Variants in USP12 observed in about 807,000 individuals in gnomAD.
The protein encoded by USP12 is ubiquitin carboxyl-terminal hydrolase 12.
A neutral mutation model predicts 45.5 loss-of-function variants in USP12; 19 were observed. That is an observed-to-expected ratio of 0.42 (90% CI 0.29 to 0.61). The LOEUF is 0.61. USP12 is among the 20% of genes least tolerant of loss of function. The pLI is 0.22. For missense variants in USP12, 242 were observed against 447.7 expected, an observed-to-expected ratio of 0.54 and a Z score of 4.15; for synonymous variants, 149 against 148.8, an observed-to-expected ratio of 1.00 and a Z score of -0.01.
At chr13:27,160,430 G>GAA (rs140967288) in intron 1 of USP12, among the ~76,000 whole-genome samples, 3 of 123,484 alleles carry the variant, frequency 2.4e-5, no homozygotes, top group African/African-American at 9.0e-5. Flanking sequence ...TCCTCAAATT[G>GAA]AAAAAAAAAA....
intron 3 of USP12, among the ~76,000 whole-genome samples, chr13:27,104,020 T>G (rs1020717235): frequency 2.0e-5 from 3 of 152,180 alleles, no homozygotes; most frequent in Non-Finnish European, 4.4e-5. Context: ...ATGCTCTGTA[T>G]GAGCTGCATA....
chr13:27,163,781 A>AAAG (rs1156499867), intron 1 of USP12, among the ~76,000 whole-genome samples: 11 of 135,182 alleles, frequency 8.1e-5, no homozygotes, highest in Non-Finnish European at 1.7e-4. Context: ...AAAAAAAAAA[A>AAAG]AAAAGAAAAA....
At chr13:27,089,734 T>C (rs754916023) in intron 6 of USP12, 149 bp downstream of exon 6, 11 of 683,604 alleles carry the variant, frequency 1.6e-5, no homozygotes, top group Non-Finnish European at 2.5e-5. Flanking sequence ...ATCATTTACC[T>C]AGTAATACTT....
intron 1 of USP12, among the ~76,000 whole-genome samples, chr13:27,155,878 T>C (rs933432514): frequency 1.3e-5 from 2 of 152,228 alleles, no homozygotes; most frequent in African/African-American, 4.8e-5. Flanking sequence ...AATACAACTA[T>C]GAAAATATTC....
chr13:27,081,463 T>G (rs79951482), intron 6 of USP12, among the ~76,000 whole-genome samples: 1,533 of 152,318 alleles, frequency 0.01, 31 homozygotes, highest in African/African-American at 0.035. Context: ...CTTGTTCTCT[T>G]GCTGTTTCCA....
At chr13:27,137,827 A>G (rs142120111) in intron 1 of USP12, among the ~76,000 whole-genome samples, 1 of 152,358 alleles carries the variant, frequency 6.6e-6, no homozygotes, top group East Asian at 1.9e-4. Flanking sequence ...CCATACTGCT[A>G]GCAGACTTGC....
chr13:27,130,224 C>G (rs562506178), intron 1 of USP12, among the ~76,000 whole-genome samples: 9 of 152,290 alleles, frequency 5.9e-5, no homozygotes, highest in African/African-American at 2.2e-4. Flanking sequence ...CCTGGGGAAA[C>G]AGCACAGATT....
intron 1 of USP12, among the ~76,000 whole-genome samples, chr13:27,169,409 T>C (rs969558419): frequency 1.3e-5 from 2 of 152,102 alleles, no homozygotes; most frequent in Non-Finnish European, 2.9e-5. Flanking sequence ...CTTTTCAATT[T>C]TGTGATTCTC....
rs115143137 is a variant in USP12, at chr13:27,100,064, C to T, written c.344-4234G>A. 2.8e-3 allele frequency among the ~76,000 whole-genome samples: 419 copies of T among 152,264 alleles called. 6 individuals carry two copies. The highest frequency in any genetic ancestry group is 9.2e-3 in the African/African-American group (384 of 41,542). ...CTCTCAACACTGAGACAGCCTGCAA[C>T]TCAAAAATCTTCTCAGCAGTCCACT... is the stretch of plus-strand genomic sequence containing the variant. On this transcript the variant is annotated intron_variant, in intron 3 of 8. Transcript: ENST00000282344.
chr13:27,149,152 C>T (rs1027805427), intron 1 of USP12, among the ~76,000 whole-genome samples: 1 of 152,200 alleles, frequency 6.6e-6, no homozygotes. Context: ...CACTGCACTT[C>T]AGCCTGGGCA....
intron 1 of USP12, among the ~76,000 whole-genome samples, chr13:27,126,302 T>C (rs1238494415): frequency 2.0e-5 from 3 of 152,178 alleles, no homozygotes; most frequent in African/African-American, 7.2e-5. Flanking sequence ...ATATTTGCTG[T>C]TCTGCAGCCT....
chr13:27,110,197 T>C (rs1875369610), intron 2 of USP12, among the ~76,000 whole-genome samples: 1 of 151,236 alleles, frequency 6.6e-6, no homozygotes, highest in African/African-American at 2.4e-5. Flanking sequence ...GCTAGGTTGA[T>C]GGGTTCATAG....
chr13:27,159,432 A>G (rs374728498), intron 1 of USP12, among the ~76,000 whole-genome samples: 2 of 152,250 alleles, frequency 1.3e-5, no homozygotes, highest in East Asian at 3.8e-4. Context: ...TGCATCAGGC[A>G]TATAATTCTG....
chr13:27,108,607 A>C (rs1367797490), intron 2 of USP12, among the ~76,000 whole-genome samples: 2 of 152,230 alleles, frequency 1.3e-5, no homozygotes, highest in Non-Finnish European at 2.9e-5. Flanking sequence ...TTTAATACAA[A>C]AGGATTACTG....
chr13:27,140,923 T>C lies in USP12; in HGVS notation c.49-24327A>G, dbSNP rs544010652. 2.0e-5 allele frequency among the ~76,000 whole-genome samples: 3 copies of C among 152,078 alleles called. No individual in the cohort carries two copies. In the South Asian group the frequency reaches 6.2e-4, roughly 32 times the overall value. ...CACACAAGAATCTCTCTAACGCCTT[T>C]TGTAGCTATTCCAATTAAAAAGATA... On this transcript the variant is annotated intron_variant, in intron 1 of 8. Coordinates refer to ENST00000282344, the MANE Select transcript of USP12 (RefSeq NM_182488.4).
rs1876381449 is a variant in USP12, at chr13:27,129,215, T to G, written c.49-12619A>C. On this transcript the variant is annotated intron_variant, in intron 1 of 8. Transcript: ENST00000282344. This position sits in a 1 kb window ranked among gnomAD's most constrained non-coding sequence, Gnocchi z 4.0. ...CACTGAGACAACAGGAATATTATAT[T>G]AAACCACAGTTAAGTGGAAAGAACA... is the stretch of plus-strand genomic sequence containing the variant. 7.1e-6 allele frequency among the ~76,000 whole-genome samples: 1 copy of G among 140,068 alleles called. No individual in the cohort carries two copies. Among genetic ancestry groups the G allele is most frequent in the African/African-American group, 2.5e-5 (1 of 39,886 alleles). The allele number at this position is 140,068 out of a possible 152,430, so 91.9% of individuals were successfully genotyped here.
At chr13:27,163,115 A>G (rs67186044) in intron 1 of USP12, among the ~76,000 whole-genome samples, 67,889 of 151,926 alleles carry the variant, frequency 0.45, 16,276 homozygotes, top group East Asian at 0.8. Flanking sequence ...AATTTTGAAA[A>G]ATCAATGTAA....
At chr13:27,071,821 C>T (rs1873257618) in intron 7 of USP12, among the ~76,000 whole-genome samples, 1 of 152,082 alleles carries the variant, frequency 6.6e-6, no homozygotes, top group South Asian at 2.1e-4. Flanking sequence ...AGCATAATTC[C>T]TTTTCTTTAT....
At chr13:27,157,719 A>G (rs780746271) in intron 1 of USP12, among the ~76,000 whole-genome samples, 1 of 151,830 alleles carries the variant, frequency 6.6e-6, no homozygotes, top group Non-Finnish European at 1.5e-5. Flanking sequence ...TGTCCTCTTC[A>G]TTTTTCTCCA....
Sources: gnomAD v4.1 joint callset for allele counts (sites outside exome capture counted in the v4.1 genomes callset) on GRCh38, gnomAD v4.1.1 for gene constraint, Gnocchi (gnomAD v3.1) non-coding constraint, MANE v1.5 for transcripts, NCBI Gene and HGNC (gene_info 2026-07-23, HGNC 2026-07-21) for gene names.